Variants in NUP107 observed in about 807,000 individuals in gnomAD.
NUP107 encodes the protein nucleoporin 107, also known as nuclear pore complex protein Nup107.
A neutral mutation model predicts 141.0 loss-of-function variants in NUP107; 101 were observed. The observed-to-expected ratio is 0.72, with a 90% CI of 0.61 to 0.84. NUP107 has a LOEUF of 0.84. Among genes scored for constraint, NUP107 ranks in the 40% least tolerant of loss-of-function variants. The probability of loss-of-function intolerance (pLI) is 0.00; values close to 1 mark genes in which losing one functional copy is unlikely to be tolerated. For missense variants in NUP107, 941 were observed against 1,102.7 expected, an observed-to-expected ratio of 0.85 and a Z score of 2.08; for synonymous variants, 319 against 363.9, an observed-to-expected ratio of 0.88 and a Z score of 1.41.
chr12:68,708,838 C>G (rs1179318057), intron 8 of NUP107, among the ~76,000 whole-genome samples: 9 of 152,094 alleles, frequency 5.9e-5, no homozygotes, highest in Non-Finnish European at 1.3e-4. Context: ...AGACTGGTCT[C>G]GAACTCCTGA....
chr12:68,705,586 C>T (rs547423158), intron 8 of NUP107: 4 of 357,806 alleles, frequency 1.1e-5, no homozygotes, highest in East Asian at 6.2e-5. Context: ...TGTTCCTTCT[C>T]GAATCTCCGC....
At chr12:68,727,560 C>G (rs1877617131) in intron 20 of NUP107, among the ~76,000 whole-genome samples, 171 bp downstream of exon 20, 1 of 151,994 alleles carries the variant, frequency 6.6e-6, no homozygotes, top group Non-Finnish European at 1.5e-5. Flanking sequence ...GGAAAACAAC[C>G]CCCACCGCCC....
intron 26 of NUP107, 40 bp downstream of exon 26, chr12:68,735,384 C>T (rs1565704305): frequency 7.4e-7 from 1 of 1,351,090 alleles, no homozygotes. Context: ...AACCAAAACA[C>T]TCACCATGTT....
chr12:68,700,881 A>G, intron 7 of NUP107, 28 bp downstream of exon 7: 1 of 1,538,344 alleles, frequency 6.5e-7, no homozygotes, highest in Non-Finnish European at 8.7e-7. Context: ...TCATAAGTGA[A>G]ATAAACATAA....
At chr12:68,697,070 G>A (rs972498409) in intron 6 of NUP107, 148 bp downstream of exon 6, 7 of 487,924 alleles carry the variant, frequency 1.4e-5, no homozygotes, top group African/African-American at 7.8e-5. Context: ...GCATCCCTGC[G>A]TCTTACATAT....
intron 12 of NUP107, among the ~76,000 whole-genome samples, chr12:68,717,742 A>G (rs980060552): frequency 2.0e-5 from 3 of 152,294 alleles, no homozygotes; most frequent in Non-Finnish European, 2.9e-5. Context: ...GAATCATACA[A>G]TGTGCTTTTG....
intron 8 of NUP107, among the ~76,000 whole-genome samples, chr12:68,703,217 G>A (rs556141632): frequency 2.6e-5 from 4 of 152,118 alleles, no homozygotes; most frequent in Admixed American, 6.6e-5. Context: ...AAAAAGTTCA[G>A]TCTCATAAAA....
chr12:68,721,015 A>G (rs1877326271), intron 14 of NUP107, 103 bp from the exon 15 acceptor site: 2 of 649,762 alleles, frequency 3.1e-6, no homozygotes, highest in Non-Finnish European at 5.3e-6. Flanking sequence ...TATCAAGTGA[A>G]TAGGTTCAGT....
At chr12:68,718,382 A>C (rs1877199603) in intron 12 of NUP107, among the ~76,000 whole-genome samples, 2 of 152,202 alleles carry the variant, frequency 1.3e-5, no homozygotes, top group Admixed American at 1.3e-4. Flanking sequence ...TGGAACAAAA[A>C]CATGTATTTA....
chr12:68,709,222 A>T lies in NUP107; in HGVS notation c.730-16A>T. On this transcript the variant is annotated splice_polypyrimidine_tract_variant and intron_variant, in intron 8 of 27. Coordinates refer to ENST00000229179, the MANE Select transcript of NUP107 (RefSeq NM_020401.4). ...TCTTTTCATTCTGTTTATCCTTTTA[A>T]TATTTTTCATAATAGGCTGTTAATG... The T allele has an allele frequency of 6.6e-7, 1 of 1,509,030 alleles. No homozygotes were observed. Among genetic ancestry groups the T allele is most frequent in the Non-Finnish European group, 9.1e-7 (1 of 1,101,332 alleles). The allele number at this position is 1,509,030 out of a possible 1,614,324, so 93.5% of individuals were successfully genotyped here. A position where few individuals can be genotyped will look rare whatever the true frequency, so the allele number is the denominator to read the frequency against.
intron 26 of NUP107, among the ~76,000 whole-genome samples, chr12:68,736,125 G>C (rs886914413): frequency 4.6e-5 from 7 of 152,292 alleles, no homozygotes; most frequent in African/African-American, 1.7e-4. Context: ...TTTATCCTCT[G>C]TAGACCTGAG....
intron 4 of NUP107, 63 bp from the exon 5 acceptor site, chr12:68,691,905 A>C (rs1412568371): frequency 1.3e-5 from 18 of 1,350,502 alleles, no homozygotes; most frequent in Middle Eastern, 3.9e-4. Flanking sequence ...TTTTTAAAGT[A>C]TCCACTCAGT....
chr12:68,707,084 G>T, intron 8 of NUP107: 1 of 567,120 alleles, frequency 1.8e-6, no homozygotes, highest in Non-Finnish European at 3.1e-6. Flanking sequence ...AGCCGTGACA[G>T]CCCCTTCTAG....
At chr12:68,706,065 C>G in intron 8 of NUP107, 1 of 790,036 alleles carries the variant, frequency 1.3e-6, no homozygotes, top group Admixed American at 1.7e-5. Flanking sequence ...AGAGCTACAT[C>G]AACAAACTTC....
At chr12:68,706,940 G>T in intron 8 of NUP107, 1 of 680,190 alleles carries the variant, frequency 1.5e-6, no homozygotes. Flanking sequence ...CTACAGCCTG[G>T]ACTCCAGCTT....
chr12:68,692,056 CAG>C lies in NUP107; in HGVS notation c.394_395del (p.Glu132ArgfsTer11). On this transcript the variant is annotated frameshift_variant, in exon 5 of 28. Transcript: ENST00000229179. LOFTEE classifies it high-confidence loss of function. ...ACAAACACAGAGCCCCACAGTATAA[CAG>C]AAGATGTAACTATCAGTGCTGTTAT... 1 of 1,611,846 alleles carries C rather than the reference CAG, an allele frequency of 6.2e-7. No individual in the cohort carries two copies. Among genetic ancestry groups the C allele is most frequent in the Non-Finnish European group, 8.5e-7 (1 of 1,179,266 alleles).
At chr12:68,708,383 A>G (rs1483965747) in intron 8 of NUP107, among the ~76,000 whole-genome samples, 1 of 152,172 alleles carries the variant, frequency 6.6e-6, no homozygotes, top group Non-Finnish European at 1.5e-5. Flanking sequence ...AAATGGATTA[A>G]TTAATTAATT....
chr12:68,702,685 A>T, intron 7 of NUP107, 51 bp from the exon 8 acceptor site: 2 of 1,308,438 alleles, frequency 1.5e-6, no homozygotes, highest in Non-Finnish European at 2.1e-6. Flanking sequence ...TGGCAAGTTC[A>T]TTATATTCGT....
intron 4 of NUP107, among the ~76,000 whole-genome samples, 199 bp from the exon 5 acceptor site, chr12:68,691,769 G>T (rs947353561): frequency 2.6e-5 from 4 of 151,806 alleles, no homozygotes; most frequent in African/African-American, 9.7e-5. Context: ...GAGAGGCAAA[G>T]GTTGCGTTGA....
Sources: gnomAD v4.1 joint callset for allele counts (sites outside exome capture counted in the v4.1 genomes callset) on GRCh38, gnomAD v4.1.1 for gene constraint, MANE v1.5 for transcripts, NCBI Gene and HGNC (gene_info 2026-07-23, HGNC 2026-07-21) for gene names.